Variants in EXD3 observed in about 807,000 individuals in gnomAD.
EXD3 encodes the protein exonuclease 3'-5' domain containing 3.
A neutral mutation model predicts 98.0 loss-of-function variants in EXD3; 92 were observed. That is an observed-to-expected ratio of 0.94 (90% CI 0.79 to 1.12). EXD3 has a LOEUF of 1.12. EXD3 is among the 50% of genes most tolerant of loss of function. The pLI is 0.00. For synonymous variants in EXD3, 569 were observed against 526.0 expected (o/e 1.08, Z -1.12); for missense variants, 1,222 against 1,191.6 (o/e 1.03, Z -0.38).
In EXD3 at chr9:137,367,920, T is replaced by G. The variant is rs764242875; in HGVS notation, c.516+16A>C. 2 of 1,611,356 alleles carry G rather than the reference T, an allele frequency of 1.2e-6. No homozygotes were observed. Among genetic ancestry groups the G allele is most frequent in the Admixed American group, 1.7e-5 (1 of 59,942 alleles). On this transcript the variant is annotated intron_variant, in intron 6 of 21. Transcript: ENST00000340951. ...CAAGTTTGAACCTAAACAATTTACA[T>G]GAGAAAGACGTTCACCTTTTCAACG...
intron 7 of EXD3, among the ~76,000 whole-genome samples, chr9:137,362,735 A>T (rs1375810886): frequency 6.6e-6 from 1 of 152,128 alleles, no homozygotes; most frequent in Non-Finnish European, 1.5e-5. Flanking sequence ...TATTCTGGAT[A>T]ACAGTCCTTT....
chr9:137,417,305 G>A (rs1018787660), intron 1 of EXD3, among the ~76,000 whole-genome samples: 6 of 152,186 alleles, frequency 3.9e-5, no homozygotes, highest in African/African-American at 7.2e-5. Context: ...AAGGCGGCGG[G>A]TGGTGAGCAC....
chr9:137,367,318 AC>A (rs552696498), intron 6 of EXD3, among the ~76,000 whole-genome samples: 1 of 152,054 alleles, frequency 6.6e-6, no homozygotes, highest in Non-Finnish European at 1.5e-5. Context: ...CGCCCGGAGC[AC>A]AGCCCTGCAG....
intron 17 of EXD3, among the ~76,000 whole-genome samples, chr9:137,327,555 C>T (rs933956653): frequency 1.3e-5 from 2 of 151,838 alleles, no homozygotes; most frequent in Non-Finnish European, 2.9e-5. Flanking sequence ...TGGTCAATTT[C>T]GTGTTATGTA....
intron 20 of EXD3, among the ~76,000 whole-genome samples, chr9:137,308,047 C>G (rs2119034168): frequency 9.7e-6 from 1 of 103,116 alleles, no homozygotes; most frequent in East Asian, 2.7e-4. Flanking sequence ...GGCGGGTGGG[C>G]AGGGCCCAGG....
chr9:137,395,358 C>T lies in EXD3; in HGVS notation c.-1G>A. 2.5e-6 allele frequency: 4 copies of T among 1,613,360 alleles called. No homozygotes were observed. The highest frequency in any genetic ancestry group is 3.4e-6 in the Non-Finnish European group (4 of 1,179,808). ...CACCAGCGGGATCTCCTGGGTCCAT[C>T]CTCAGGGCCGGGCCGAGGACGCTGG... On this transcript the variant is annotated 5_prime_UTR_variant, in exon 2 of 22. Coordinates refer to ENST00000340951, the MANE Select transcript of EXD3 (RefSeq NM_017820.5). This position sits in a 1 kb window ranked among gnomAD's most constrained non-coding sequence, Gnocchi z 6.5.
chr9:137,395,259 C>T lies in EXD3; in HGVS notation c.55+44G>A. ...CCCCATGCACACCCACGCACCTCCC[C>T]CCACAGCCCCAGGGAGACTCGGCAC... On this transcript the variant is annotated intron_variant, in intron 2 of 21. Coordinates refer to ENST00000340951, the MANE Select transcript of EXD3 (RefSeq NM_017820.5). This position sits in a 1 kb window ranked among gnomAD's most constrained non-coding sequence, Gnocchi z 6.5. 1 of 1,582,480 alleles carries T rather than the reference C, an allele frequency of 6.3e-7. No homozygotes were observed. Among genetic ancestry groups the T allele is most frequent in the Non-Finnish European group, 8.7e-7 (1 of 1,151,962 alleles).
chr9:137,383,609 G>A (rs116069187), intron 2 of EXD3, among the ~76,000 whole-genome samples: 3,362 of 152,264 alleles, frequency 0.022, 45 homozygotes, highest in Non-Finnish European at 0.034. Context: ...AGCTGAGTCC[G>A]CCCAGCAGCA....
intron 17 of EXD3, among the ~76,000 whole-genome samples, chr9:137,335,375 T>C (rs1383201935): frequency 1.3e-5 from 2 of 152,170 alleles, no homozygotes; most frequent in South Asian, 2.1e-4. Flanking sequence ...CTAGCCAGAA[T>C]AGACATTATT....
At chr9:137,358,403 A>AC (rs1183353874) in intron 7 of EXD3, among the ~76,000 whole-genome samples, 1 of 151,614 alleles carries the variant, frequency 6.6e-6, no homozygotes, top group Admixed American at 6.6e-5. Flanking sequence ...GCTCACAAAG[A>AC]CCCCCTGGAG....
chr9:137,342,946 C>T (rs1402394058), intron 17 of EXD3, among the ~76,000 whole-genome samples: 1 of 152,148 alleles, frequency 6.6e-6, no homozygotes, highest in Non-Finnish European at 1.5e-5. Context: ...ATGGTGAAAC[C>T]CCGTCTCTAC....
rs1331746467 is a variant in EXD3, at chr9:137,403,578, G to A, written c.-47-8174C>T. ...TGGGCCTCCATTCCCGAGCCCCCCA[G>A]TTTTCGCCTCTCTCCTTCTCTTTGC... On this transcript the variant is annotated intron_variant, in intron 1 of 21. Transcript: ENST00000340951. This position sits in a 1 kb window ranked among gnomAD's most constrained non-coding sequence, Gnocchi z 6.1. Among the ~76,000 whole-genome samples the A allele has an allele frequency of 6.2e-5, 6 of 97,370 alleles. No individual in the cohort carries two copies. In the Admixed American group the frequency reaches 6.9e-4, roughly 11 times the overall value. The allele number at this position is 97,370 out of a possible 152,430, so 63.9% of individuals were successfully genotyped here.
At chr9:137,366,247 T>C in intron 7 of EXD3, 2 of 705,900 alleles carry the variant, frequency 2.8e-6, no homozygotes, top group Non-Finnish European at 5.2e-6. Flanking sequence ...GGAGAATTAT[T>C]TTCGTTCTTC....
intron 20 of EXD3, among the ~76,000 whole-genome samples, chr9:137,308,934 C>T (rs921826094): frequency 4.6e-5 from 7 of 152,148 alleles, no homozygotes; most frequent in Non-Finnish European, 5.9e-5. Context: ...CGTGAGCCAC[C>T]GCGCCCAGCC....
intron 1 of EXD3, among the ~76,000 whole-genome samples, chr9:137,401,357 G>A (rs374662755): frequency 1.3e-4 from 19 of 151,896 alleles, no homozygotes; most frequent in African/African-American, 4.1e-4. Context: ...GGGTTTCACC[G>A]TGTTAGCCAG....
Position 137,412,654 on chromosome 9 carries a change from T to C in EXD3, c.-48+10460A>G, listed in dbSNP as rs1364040074. ...GCAGGATGAGCTGATGCTGGCAAGA[T>C]GGCCACGCACAGCCGGGGCCCCTCG... On this transcript the variant is annotated intron_variant, in intron 1 of 21. Coordinates refer to ENST00000340951, the MANE Select transcript of EXD3 (RefSeq NM_017820.5). Among the ~76,000 whole-genome samples, 4 of 152,140 alleles carry C rather than the reference T, an allele frequency of 2.6e-5. No homozygotes were observed. In the East Asian group the frequency reaches 5.8e-4, roughly 22 times the overall value.
chr9:137,347,222 G>T lies in EXD3; in HGVS notation c.1998+849C>A, dbSNP rs1833983909. Reference sequence around the variant, plus strand: ...GACTCAACCAGGTTCTCTGCTCAGGGTCTCATGGCTGAAATCACAGTGTTC... The same window carrying T: ...GACTCAACCAGGTTCTCTGCTCAGGTTCTCATGGCTGAAATCACAGTGTTC... On this transcript the variant is annotated intron_variant, in intron 17 of 21. Transcript: ENST00000340951. This position sits in a 1 kb window ranked among gnomAD's most constrained non-coding sequence, Gnocchi z 4.2. 6.6e-6 allele frequency among the ~76,000 whole-genome samples: 1 copy of T among 152,200 alleles called. No individual in the cohort carries two copies. Among genetic ancestry groups the T allele is most frequent in the African/African-American group, 2.4e-5 (1 of 41,434 alleles).
At chr9:137,420,085 G>A (rs554269137) in intron 1 of EXD3, among the ~76,000 whole-genome samples, 15 of 152,142 alleles carry the variant, frequency 9.9e-5, no homozygotes, top group East Asian at 3.9e-4. Context: ...GCGTGAACCC[G>A]GGAGGCGGAG....
intron 2 of EXD3, among the ~76,000 whole-genome samples, 196 bp from the exon 3 acceptor site, chr9:137,383,573 TCC>T (rs1836434034): frequency 6.6e-6 from 1 of 152,090 alleles, no homozygotes; most frequent in Admixed American, 6.5e-5. Flanking sequence ...CCCTGTTCCT[TCC>T]CTGTGGCCCG....
Sources: allele counts gnomAD v4.1 joint callset (sites outside exome capture counted in the v4.1 genomes callset), GRCh38; gene constraint gnomAD v4.1.1; non-coding constraint Gnocchi (gnomAD v3.1); transcripts MANE v1.5; gene names NCBI Gene and HGNC (gene_info 2026-07-23, HGNC 2026-07-21).